Variants in SLC35F3 observed in about 807,000 individuals in gnomAD.
The protein encoded by SLC35F3 is solute carrier family 35 member F3.
A neutral mutation model predicts 49.9 loss-of-function variants in SLC35F3; 25 were observed. The ratio of observed to expected loss-of-function variants is 0.50; its 90% confidence interval spans 0.37 to 0.70. The LOEUF (loss-of-function observed/expected upper bound fraction) is 0.70. Ranked by LOEUF, SLC35F3 falls within the 30% of genes least tolerant of loss-of-function variation. The pLI, the probability that SLC35F3 is intolerant of heterozygous loss-of-function variation, is 0.00. For synonymous variants in SLC35F3, 275 were observed against 265.4 expected, an observed-to-expected ratio of 1.04 and a Z score of -0.35; for missense variants, 525 against 639.8, an observed-to-expected ratio of 0.82 and a Z score of 1.94.
At chr1:234,100,742 G>A (rs558454468) in intron 2 of SLC35F3, among the ~76,000 whole-genome samples, 1 of 152,334 alleles carries the variant, frequency 6.6e-6, no homozygotes, top group Admixed American at 6.5e-5. Context: ...ACCTAAGCCA[G>A]TGAACTCAAA....
chr1:234,082,590 A>G (rs1041420680), intron 2 of SLC35F3, among the ~76,000 whole-genome samples: 1 of 152,156 alleles, frequency 6.6e-6, no homozygotes, highest in African/African-American at 2.4e-5. Flanking sequence ...TATCACAGGG[A>G]CCACCAAACT....
At chr1:234,167,579 C>T (rs1666338498) in intron 2 of SLC35F3, among the ~76,000 whole-genome samples, 1 of 152,160 alleles carries the variant, frequency 6.6e-6, no homozygotes, top group African/African-American at 2.4e-5. Flanking sequence ...GAGAGTCTTA[C>T]CACAACAGAG....
chr1:234,313,996 A>G (rs6662048), intron 4 of SLC35F3, among the ~76,000 whole-genome samples: 85,518 of 152,108 alleles, frequency 0.56, 24,117 homozygotes, highest in Middle Eastern at 0.62. Flanking sequence ...TATTGAGAGT[A>G]AGGTAGGAAC....
chr1:233,986,207 TTC>T lies in SLC35F3; in HGVS notation c.283+80451_283+80452del, dbSNP rs1346399208. Among the ~76,000 whole-genome samples the T allele has an allele frequency of 2.0e-5, 3 of 152,350 alleles. No homozygotes were observed. The East Asian group carries it at 5.8e-4, about 29-fold the overall frequency. On this transcript the variant is annotated intron_variant, in intron 2 of 7. Coordinates refer to ENST00000366618, the MANE Select transcript of SLC35F3 (RefSeq NM_173508.4). ...TGCCCTTATTAGTCTGTTTTTGCATTTCTTTTAATTTTTATTTTTATAAAATA... is the reference window on the plus strand; with the variant it reads ...TGCCCTTATTAGTCTGTTTTTGCATTTTTTAATTTTTATTTTTATAAAATA...
chr1:233,973,722 G>C (rs1663031051), intron 2 of SLC35F3, among the ~76,000 whole-genome samples: 1 of 152,248 alleles, frequency 6.6e-6, no homozygotes, highest in Admixed American at 6.5e-5. Context: ...TGGAAAAAAA[G>C]CACAAATGCA....
chr1:233,957,910 C>T lies in SLC35F3; in HGVS notation c.283+52152C>T, dbSNP rs559649142. ...GCTCTTCTGCTGGTAGTTCTTGAGGCCTTTTATATGTTTGTGGTCAAGTGG... is the reference window on the plus strand; with the variant it reads ...GCTCTTCTGCTGGTAGTTCTTGAGGTCTTTTATATGTTTGTGGTCAAGTGG... On this transcript the variant is annotated intron_variant, in intron 2 of 7. Coordinates refer to ENST00000366618, the MANE Select transcript of SLC35F3 (RefSeq NM_173508.4). This position sits in a 1 kb window ranked among gnomAD's most constrained non-coding sequence, Gnocchi z 4.0. 6.6e-6 allele frequency among the ~76,000 whole-genome samples: 1 copy of T among 152,096 alleles called. No homozygotes were observed. Among genetic ancestry groups the T allele is most frequent in the African/African-American group, 2.4e-5 (1 of 41,416 alleles).
At chr1:234,240,549 G>A (rs542049003) in intron 3 of SLC35F3, among the ~76,000 whole-genome samples, 91 of 152,024 alleles carry the variant, frequency 6.0e-4, no homozygotes, top group African/African-American at 2.1e-3. Context: ...AGGTTGCAGT[G>A]AGCCAAGATC....
At chr1:234,161,537 G>T (rs1037104371) in intron 2 of SLC35F3, among the ~76,000 whole-genome samples, 2 of 152,132 alleles carry the variant, frequency 1.3e-5, no homozygotes, top group South Asian at 4.1e-4. Flanking sequence ...AAGGCAGGCA[G>T]ATCACTTGAG....
intron 2 of SLC35F3, among the ~76,000 whole-genome samples, chr1:233,987,428 A>G (rs1663283108): frequency 6.6e-6 from 1 of 151,920 alleles, no homozygotes; most frequent in African/African-American, 2.4e-5. Context: ...TCCTTTCTGG[A>G]CTTTGAATGT....
intron 2 of SLC35F3, among the ~76,000 whole-genome samples, chr1:234,165,891 C>T (rs1666311313): frequency 6.6e-6 from 1 of 152,150 alleles, no homozygotes; most frequent in African/African-American, 2.4e-5. Context: ...CATTACACCA[C>T]TCTAGCTGCC....
At position 234,318,916 on chromosome 1, in the gene SLC35F3, C is replaced by G. The variant is rs971666293; in HGVS notation, c.1120C>G (p.Leu374Val). The change falls in exon 6 of 8, where the codon CTT (leucine) becomes GTT (valine). Residue 374 changes from leucine (L) to valine (V), a missense_variant. Leu to Val is a conservative substitution (Grantham distance 32). Around this residue, in one of 4 missense-constraint regions of SLC35F3, gnomAD observed 216 missense variants for 298.1 expected, o/e 0.72. Transcript: ENST00000366618. Reference protein sequence around the residue: ...SSFDDIPWGNLCGFSVLLLTF... With the variant: ...SSFDDIPWGNVCGFSVLLLTF... ...TTTTGATGACATTCCATGGGGAAAC[C>G]TTTGTGGATTTTCAGTTCTTTTATT... 2 of 1,613,990 alleles carry G rather than the reference C, an allele frequency of 1.2e-6. No homozygotes were observed. The highest frequency in any genetic ancestry group is 1.7e-5 in the Admixed American group (1 of 59,992).
intron 2 of SLC35F3, among the ~76,000 whole-genome samples, chr1:234,024,846 G>A (rs1187636396): frequency 1.3e-5 from 2 of 152,120 alleles, no homozygotes; most frequent in African/African-American, 4.8e-5. Flanking sequence ...TAGGTTTGGG[G>A]TTACATGTGC....
chr1:234,304,038 CTTCCTTCT>C (rs774092926), intron 3 of SLC35F3, among the ~76,000 whole-genome samples: 17,281 of 56,478 alleles, frequency 0.31, 1,339 homozygotes, highest in Middle Eastern at 0.54. Flanking sequence ...TCCTTCCTTC[CTTCCTTCT>C]TTCTTTCCTT....
intron 2 of SLC35F3, among the ~76,000 whole-genome samples, chr1:234,077,602 A>G (rs1664811253): frequency 1.3e-5 from 2 of 152,206 alleles, no homozygotes; most frequent in South Asian, 4.1e-4. Flanking sequence ...GGGTGGGGAC[A>G]TAAAGCCTGA....
At position 234,293,441 on chromosome 1, in the gene SLC35F3, C is replaced by T. The variant is rs1157293217; in HGVS notation, c.609-15660C>T. 4.6e-5 allele frequency among the ~76,000 whole-genome samples: 7 copies of T among 152,296 alleles called. No homozygotes were observed. In the East Asian group the frequency reaches 9.6e-4, roughly 21 times the overall value. ...ACTTTCTGTCAACCCATTTTGAATC[C>T]TTGAATCTCTGTGTCGTCTTCAAGG... On this transcript the variant is annotated intron_variant, in intron 3 of 7. Coordinates refer to ENST00000366618, the MANE Select transcript of SLC35F3 (RefSeq NM_173508.4).
At chr1:234,208,327 C>G (rs930526444) in intron 2 of SLC35F3, among the ~76,000 whole-genome samples, 2 of 152,186 alleles carry the variant, frequency 1.3e-5, no homozygotes, top group African/African-American at 4.8e-5. Context: ...AGACCAGAGG[C>G]CCCTGTAGAT....
At chr1:234,300,882 T>C (rs1018748684) in intron 3 of SLC35F3, among the ~76,000 whole-genome samples, 1 of 152,174 alleles carries the variant, frequency 6.6e-6, no homozygotes, top group Non-Finnish European at 1.5e-5. Context: ...TGAGAGAGAA[T>C]AAGGGCATGG....
chr1:234,301,720 C>T (rs1668695780), intron 3 of SLC35F3, among the ~76,000 whole-genome samples: 2 of 152,140 alleles, frequency 1.3e-5, no homozygotes, highest in Non-Finnish European at 2.9e-5. Context: ...AATAATTCTA[C>T]TATAAAAACA....
At chr1:233,929,406 G>C (rs1662208149) in intron 2 of SLC35F3, among the ~76,000 whole-genome samples, 1 of 152,178 alleles carries the variant, frequency 6.6e-6, no homozygotes, top group African/African-American at 2.4e-5. Context: ...GTAAGTGAGA[G>C]TTATTGAGAA....
Sources: allele counts gnomAD v4.1 joint callset (sites outside exome capture counted in the v4.1 genomes callset), GRCh38; gene constraint gnomAD v4.1.1; regional missense constraint gnomAD v4.1.1; non-coding constraint Gnocchi (gnomAD v3.1); transcripts MANE v1.5; gene names NCBI Gene and HGNC (gene_info 2026-07-23, HGNC 2026-07-21).